Variants in AGAP3 observed in about 807,000 individuals in gnomAD.
AGAP3 encodes arf-GAP with GTPase, ANK repeat and PH domain-containing protein 3.
AGAP3 carries 24 observed loss-of-function variants against 96.9 expected under a neutral mutation model. The ratio of observed to expected loss-of-function variants is 0.25; its 90% CI spans 0.18 to 0.35. The LOEUF (loss-of-function observed/expected upper bound fraction) is 0.35, where lower values mean the gene tolerates loss of function less well. Ranked by LOEUF, AGAP3 falls within the 10% of genes least tolerant of loss-of-function variation. The probability of loss-of-function intolerance (pLI) is 1.00; values close to 1 mark genes in which losing one functional copy is unlikely to be tolerated. For synonymous variants in AGAP3, 563 were observed against 536.1 expected (o/e 1.05, Z -0.69); for missense variants, 876 against 1,254.2 (o/e 0.70, Z 4.55).
Position 151,096,597 on chromosome 7 carries a change from C to T in AGAP3, c.331+9525C>T, listed in dbSNP as rs143156665. On this transcript the variant is annotated intron_variant, in intron 1 of 17. Transcript: ENST00000397238. The surrounding 1 kb of genome is among the most constrained non-coding windows in gnomAD (Gnocchi z 4.4). ...ACGCCATTCTCCTGCCACAGCCTCCCGAGTAGCTGGGACTACAGGTGCCCA... is the reference window on the plus strand; with the variant it reads ...ACGCCATTCTCCTGCCACAGCCTCCTGAGTAGCTGGGACTACAGGTGCCCA... Among the ~76,000 whole-genome samples the T allele has an allele frequency of 0.016, 2,469 of 151,848 alleles. 51 individuals carry two copies. The highest frequency in any genetic ancestry group is 0.056 in the African/African-American group (2,325 of 41,364).
intron 11 of AGAP3, among the ~76,000 whole-genome samples, chr7:151,135,584 C>T (rs899364556): frequency 1.9e-4 from 29 of 152,170 alleles, no homozygotes; most frequent in African/African-American, 5.1e-4. Flanking sequence ...GGAAGGAAGG[C>T]GCAATGATGC....
At chr7:151,120,421 C>T (rs565207938) in intron 8 of AGAP3, 39 of 675,294 alleles carry the variant, frequency 5.8e-5, no homozygotes, top group Non-Finnish European at 9.1e-5. Flanking sequence ...CCCTCCCCGC[C>T]GCCTTCCTCT....
At position 151,100,377 on chromosome 7, in the gene AGAP3, G is replaced by T. The variant is rs552869839; in HGVS notation, c.331+13305G>T. On this transcript the variant is annotated intron_variant, in intron 1 of 17. Coordinates refer to ENST00000397238, the MANE Select transcript of AGAP3 (RefSeq NM_031946.7). ...CCTGCTCTGTGCCCTGCACTTCTCT[G>T]TGTGGGTCCTGAGCCGTACAGCAGC... Among the ~76,000 whole-genome samples the T allele has an allele frequency of 3.7e-4, 57 of 152,342 alleles. 1 individual carries two copies. The East Asian group carries it at 0.011, about 29-fold the overall frequency.
intron 1 of AGAP3, chr7:151,115,198 CGGGCGCGGGTCTG>C (rs1285181947): frequency 2.0e-6 from 2 of 1,007,438 alleles, no homozygotes; most frequent in African/African-American, 1.8e-5. Flanking sequence ...GCCGAGGCGC[CGGGCGCGGGTCTG>C]GGGCGCGCGG....
At chr7:151,116,977 T>A in intron 2 of AGAP3, 118 bp from the exon 3 acceptor site, 10 of 1,477,432 alleles carry the variant, frequency 6.8e-6, no homozygotes, top group Non-Finnish European at 9.4e-6. Context: ...CTCTCTGCCC[T>A]CTCTCCTCCC....
chr7:151,142,385 C>G lies in AGAP3; in HGVS notation c.2051-27C>G, dbSNP rs780390203. 6.2e-7 allele frequency: 1 copy of G among 1,606,632 alleles called. No individual in the cohort carries two copies. The highest frequency in any genetic ancestry group is 1.7e-5 in the Admixed American group (1 of 59,932). ...CGCTCTGGTGGCCTGCCTGCTGTCGCTGTATCATTCTCCTCTCCTTGCCTA... is the reference window on the plus strand; with the variant it reads ...CGCTCTGGTGGCCTGCCTGCTGTCGGTGTATCATTCTCCTCTCCTTGCCTA... On this transcript the variant is annotated intron_variant, in intron 15 of 17. Transcript: ENST00000397238. This position sits in a 1 kb window ranked among gnomAD's most constrained non-coding sequence, Gnocchi z 7.5.
chr7:151,087,142 G>A, intron 1 of AGAP3, 70 bp downstream of exon 1: 1 of 1,473,410 alleles, frequency 6.8e-7, no homozygotes, highest in Non-Finnish European at 9.3e-7. Context: ...GGGCTCCACA[G>A]GCCGTGCCTG....
intron 9 of AGAP3, among the ~76,000 whole-genome samples, chr7:151,127,838 C>T (rs1420696902): frequency 1.3e-5 from 2 of 152,206 alleles, no homozygotes; most frequent in South Asian, 2.1e-4. Context: ...CATCTGACAG[C>T]CAGGGTTTTA....
intron 11 of AGAP3, 151 bp from the exon 12 acceptor site, chr7:151,137,992 G>C: frequency 1.6e-6 from 1 of 644,252 alleles, no homozygotes; most frequent in Non-Finnish European, 2.7e-6. Context: ...CGCAGCCTCT[G>C]GCTCTCCCAG....
chr7:151,099,406 C>T (rs550940807), intron 1 of AGAP3, among the ~76,000 whole-genome samples: 1 of 126,868 alleles, frequency 7.9e-6, no homozygotes, highest in African/African-American at 3.0e-5. Flanking sequence ...ACTTCTTTGT[C>T]GAGCACCCAC....
Position 151,141,775 on chromosome 7 carries a change from G to C in AGAP3, c.1805-123G>C. 7.8e-7 allele frequency: 1 copy of C among 1,276,830 alleles called. No homozygotes were observed. The highest frequency in any genetic ancestry group is 1.9e-4 in the Middle Eastern group (1 of 5,388). 79.1% of individuals were successfully genotyped at this position (1,276,830 alleles called of 1,614,324 possible). On this transcript the variant is annotated intron_variant, in intron 13 of 17. Transcript: ENST00000397238. This position sits in a 1 kb window ranked among gnomAD's most constrained non-coding sequence, Gnocchi z 4.2. ...CCTGGAGTGTGTGGCCTTGCAGCTG[G>C]GGAAGGGTCTAGGGGAGGACACTTG...
At chr7:151,097,645 C>T (rs1798662883) in intron 1 of AGAP3, among the ~76,000 whole-genome samples, 1 of 151,890 alleles carries the variant, frequency 6.6e-6, no homozygotes, top group African/African-American at 2.4e-5. Flanking sequence ...TTACGGGTGG[C>T]AGAAAGCAAA....
chr7:151,122,987 C>T, intron 8 of AGAP3: 2 of 1,421,630 alleles, frequency 1.4e-6, no homozygotes, highest in Non-Finnish European at 1.8e-6. Flanking sequence ...TGCCGGGGAC[C>T]AGGCCCGGCC....
intron 8 of AGAP3, chr7:151,120,543 C>A: frequency 9.6e-7 from 1 of 1,046,280 alleles, no homozygotes. Context: ...GGCCGGAAGG[C>A]TGTTTGCCCA....
intron 10 of AGAP3, 29 bp downstream of exon 10, chr7:151,128,713 G>A (rs1331578914): frequency 1.3e-6 from 2 of 1,582,196 alleles, no homozygotes; most frequent in East Asian, 2.2e-5. Flanking sequence ...GCCTCCTGGG[G>A]GAGTATGGGG....
At position 151,114,711 on chromosome 7, in the gene AGAP3, G is replaced by C. The variant is rs1188727907; in HGVS notation, c.332-2082G>C. The C allele has an allele frequency of 3.0e-6, 3 of 999,534 alleles. No individual in the cohort carries two copies. The African/African-American group carries it at 5.2e-5, about 17-fold the overall frequency. The allele number at this position is 999,534 out of a possible 1,614,324, so 61.9% of individuals were successfully genotyped here. ...TCCGTGCGCCCCGGCCGCGGCCCCG[G>C]CCCGGGCCCAGCCCCGTGCCCCTCG... On this transcript the variant is annotated intron_variant, in intron 1 of 17. Transcript: ENST00000397238. This position sits in a 1 kb window ranked among gnomAD's most constrained non-coding sequence, Gnocchi z 4.4.
intron 1 of AGAP3, among the ~76,000 whole-genome samples, chr7:151,089,560 G>C (rs976931552): frequency 6.6e-6 from 1 of 152,178 alleles, no homozygotes; most frequent in African/African-American, 2.4e-5. Context: ...TGGGACCTGC[G>C]GTCAGGATCC....
intron 1 of AGAP3, among the ~76,000 whole-genome samples, chr7:151,091,155 C>A (rs1325354867): frequency 6.6e-6 from 1 of 152,146 alleles, no homozygotes; most frequent in Non-Finnish European, 1.5e-5. Context: ...ACTCCCTGGC[C>A]GGGCCCTGCA....
rs189368397 is a variant in AGAP3 at position 151,088,304 on chromosome 7, C to G, written c.331+1232C>G. On this transcript the variant is annotated intron_variant, in intron 1 of 17. Transcript: ENST00000397238. Reference sequence around the variant, plus strand: ...TGTGACATGCCAGTCTGACTTCCTTCTGCCTTTTCCCAACCCGTTCTTATT... The same window carrying G: ...TGTGACATGCCAGTCTGACTTCCTTGTGCCTTTTCCCAACCCGTTCTTATT... Among the ~76,000 whole-genome samples the G allele has an allele frequency of 1.2e-3, 183 of 152,350 alleles. 1 individual carries two copies. Among genetic ancestry groups the G allele is most frequent in the Admixed American group, 0.012 (183 of 15,310 alleles).
Sources: gnomAD v4.1 joint callset for allele counts (sites outside exome capture counted in the v4.1 genomes callset) on GRCh38, gnomAD v4.1.1 for gene constraint, Gnocchi (gnomAD v3.1) non-coding constraint, MANE v1.5 for transcripts, NCBI Gene and HGNC (gene_info 2026-07-23, HGNC 2026-07-21) for gene names.